ROBO2: variants seen among roughly 807,000 people sequenced by gnomAD.
ROBO2 encodes the protein roundabout guidance receptor 2, also known as roundabout homolog 2.
A neutral mutation model predicts 160.8 loss-of-function variants in ROBO2; 53 were observed. That is an observed-to-expected ratio of 0.33 (90% confidence interval 0.26 to 0.41). The LOEUF (loss-of-function observed/expected upper bound fraction) is 0.41. Among genes scored for constraint, ROBO2 ranks in the 10% least tolerant of loss-of-function variants. The pLI is 1.00. For synonymous variants in ROBO2, 664 were observed against 611.7 expected (o/e 1.09, Z -1.26); for missense variants, 1,577 against 1,722.4 (o/e 0.92, Z 1.49).
At chr3:76,933,430 A>G (rs1214731918) in intron 2 of ROBO2, among the ~76,000 whole-genome samples, 2 of 152,310 alleles carry the variant, frequency 1.3e-5, no homozygotes, top group Admixed American at 6.5e-5. Context: ...GACATTATCT[A>G]TGTAATTTGC....
At chr3:76,587,457 G>A (rs1266056105) in intron 2 of ROBO2, among the ~76,000 whole-genome samples, 4 of 152,112 alleles carry the variant, frequency 2.6e-5, no homozygotes, top group African/African-American at 9.7e-5. Context: ...TTGTGGTGGA[G>A]GGGGAAGCAA....
chr3:77,397,094 CA>C (rs2075352997), intron 2 of ROBO2, among the ~76,000 whole-genome samples: 3 of 152,070 alleles, frequency 2.0e-5, no homozygotes, highest in Non-Finnish European at 2.9e-5. Context: ...CCAGTTTTTC[CA>C]AGCAAATATT....
At chr3:77,422,788 A>G (rs1013156206) in intron 2 of ROBO2, among the ~76,000 whole-genome samples, 1 of 152,168 alleles carries the variant, frequency 6.6e-6, no homozygotes, top group East Asian at 1.9e-4. Context: ...TTATATAATT[A>G]TATGACTTTT....
At chr3:76,379,495 G>T (rs2076514020) in intron 2 of ROBO2, among the ~76,000 whole-genome samples, 1 of 152,006 alleles carries the variant, frequency 6.6e-6, no homozygotes, top group South Asian at 2.1e-4. Context: ...AAGAGTTCTT[G>T]GGCTATGCTT....
intron 2 of ROBO2, among the ~76,000 whole-genome samples, chr3:76,041,356 T>C (rs76436508): frequency 1.3e-5 from 2 of 152,008 alleles, no homozygotes; most frequent in East Asian, 1.9e-4. Flanking sequence ...TAAAAACTTA[T>C]GTAGAACTTT....
intron 2 of ROBO2, among the ~76,000 whole-genome samples, chr3:76,817,829 T>C (rs2065811336): frequency 1.2e-5 from 1 of 80,438 alleles, no homozygotes; most frequent in Non-Finnish European, 2.5e-5. Context: ...TTTCATTCCT[T>C]TTTTTTTTTT....
intron 2 of ROBO2, among the ~76,000 whole-genome samples, chr3:76,208,109 C>G (rs1702920223): frequency 6.6e-6 from 1 of 152,130 alleles, no homozygotes; most frequent in Non-Finnish European, 1.5e-5. Flanking sequence ...TGAGGCTTTC[C>G]CAGAAGCCGA....
At chr3:77,228,141 G>C (rs2086712386) in intron 2 of ROBO2, among the ~76,000 whole-genome samples, 1 of 152,082 alleles carries the variant, frequency 6.6e-6, no homozygotes. Context: ...ATCCAAACTA[G>C]TAATATTTAC....
chr3:76,256,037 G>T (rs1314479709), intron 2 of ROBO2, among the ~76,000 whole-genome samples: 1 of 151,854 alleles, frequency 6.6e-6, no homozygotes, highest in African/African-American at 2.4e-5. Context: ...AGTGGTTCAC[G>T]CCTGTAACCC....
At chr3:75,976,455 A>G (rs1175352696) in intron 2 of ROBO2, among the ~76,000 whole-genome samples, 1 of 151,570 alleles carries the variant, frequency 6.6e-6, no homozygotes, top group Non-Finnish European at 1.5e-5. Flanking sequence ...CAGAAAGTAC[A>G]TACTGTATAA....
At chr3:76,123,732 C>G (rs2070848101) in intron 2 of ROBO2, among the ~76,000 whole-genome samples, 1 of 152,056 alleles carries the variant, frequency 6.6e-6, no homozygotes, top group East Asian at 1.9e-4. Context: ...ATTTTACTTC[C>G]TTTTTCTAAT....
chr3:77,214,082 A>G (rs1186284266), intron 2 of ROBO2, among the ~76,000 whole-genome samples: 1 of 152,136 alleles, frequency 6.6e-6, no homozygotes, highest in Non-Finnish European at 1.5e-5. Flanking sequence ...AGTTCTGTAG[A>G]TGTCTATTAA....
intron 2 of ROBO2, among the ~76,000 whole-genome samples, chr3:76,832,741 A>G (rs994057839): frequency 5.9e-5 from 9 of 152,124 alleles, no homozygotes; most frequent in Admixed American, 5.2e-4. Flanking sequence ...GCTGGAGAGA[A>G]GTAAGTGACA....
intron 2 of ROBO2, among the ~76,000 whole-genome samples, chr3:76,001,849 A>T (rs533888825): frequency 6.6e-6 from 1 of 152,252 alleles, no homozygotes; most frequent in East Asian, 1.9e-4. Context: ...CTGTCCTGAA[A>T]ATTATCTTAT....
intron 2 of ROBO2, among the ~76,000 whole-genome samples, chr3:77,030,657 A>G (rs746281538): frequency 1.1e-4 from 16 of 152,188 alleles, no homozygotes; most frequent in Admixed American, 2.6e-4. Context: ...TTCTCGTTGC[A>G]TCTGGTGGCC....
chr3:76,753,248 A>G (rs533815921), intron 2 of ROBO2, among the ~76,000 whole-genome samples: 20 of 152,022 alleles, frequency 1.3e-4, no homozygotes, highest in African/African-American at 3.9e-4. Flanking sequence ...TTATTCATCA[A>G]TTACCTCCAA....
intron 2 of ROBO2, among the ~76,000 whole-genome samples, chr3:76,261,168 ATGTGTGTGTGTG>A (rs66742168): frequency 0.035 from 4,348 of 122,824 alleles, 166 homozygotes; most frequent in African/African-American, 0.094. Context: ...AAACTAAATT[ATGTGTGTGTGTG>A]TGTGTGTGTG....
intron 1 of ROBO2, among the ~76,000 whole-genome samples, chr3:77,083,543 T>A (rs1388877169): frequency 1.3e-5 from 2 of 152,030 alleles, no homozygotes; most frequent in Non-Finnish European, 2.9e-5. Flanking sequence ...GGAAAGAACA[T>A]ACCTGGAAGA....
chr3:77,567,404 A>G (rs2153665382), intron 12 of ROBO2, among the ~76,000 whole-genome samples: 1 of 152,176 alleles, frequency 6.6e-6, no homozygotes, highest in Admixed American at 6.6e-5. Flanking sequence ...TGATGGACTT[A>G]GCTGCTTACG....
Sources: gnomAD v4.1 joint callset for allele counts (sites outside exome capture counted in the v4.1 genomes callset) on GRCh38, gnomAD v4.1.1 for gene constraint, MANE v1.5 for transcripts, NCBI Gene and HGNC (gene_info 2026-07-23, HGNC 2026-07-21) for gene names.